Variants in SH3RF2 observed in about 807,000 individuals in gnomAD.
SH3RF2 encodes the protein SH3 domain containing ring finger 2, also known as E3 ubiquitin-protein ligase SH3RF2.
Under a neutral mutation model 59.0 loss-of-function variants are expected in SH3RF2, and 43 were observed. That is an observed-to-expected ratio of 0.73 (90% CI 0.57 to 0.94). The LOEUF (loss-of-function observed/expected upper bound fraction) is 0.94. Ranked by LOEUF, SH3RF2 falls within the 40% of genes least tolerant of loss-of-function variation. SH3RF2 has a pLI of 0.00. For synonymous variants in SH3RF2, 391 were observed against 391.5 expected (o/e 1.00, Z 0.01); for missense variants, 930 against 940.1 (o/e 0.99, Z 0.14).
chr5:146,006,641 G>A (rs941296805), intron 4 of SH3RF2, among the ~76,000 whole-genome samples: 1 of 152,158 alleles, frequency 6.6e-6, no homozygotes, highest in African/African-American at 2.4e-5. Context: ...GAGAGTGAAA[G>A]AGGAACAAAA....
chr5:146,029,854 GA>G (rs1206657555), intron 5 of SH3RF2, among the ~76,000 whole-genome samples: 1 of 151,980 alleles, frequency 6.6e-6, no homozygotes, highest in Admixed American at 6.6e-5. Context: ...TTTCATCAAA[GA>G]AAAAAACCAT....
chr5:146,064,299 G>T (rs1453745751), downstream of SH3RF2, among the ~76,000 whole-genome samples: 1 of 152,082 alleles, frequency 6.6e-6, no homozygotes, highest in South Asian at 2.1e-4. Context: ...GAAGGACAGA[G>T]CCTGCGATGA....
intron 2 of SH3RF2, among the ~76,000 whole-genome samples, chr5:145,996,984 GTTA>G (rs1384998017): frequency 6.6e-6 from 1 of 152,180 alleles, no homozygotes. Flanking sequence ...TCGGTAATTA[GTTA>G]TTAATGTTAT....
At position 146,059,928 on chromosome 5, in the gene SH3RF2, C is replaced by T. The variant is rs764326208; in HGVS notation, c.1618C>T (p.Arg540Cys). 1.5e-5 allele frequency: 22 copies of T among 1,512,888 alleles called. No homozygotes were observed. The highest frequency in any genetic ancestry group is 2.4e-5 in the East Asian group (1 of 42,524). The allele number at this position is 1,512,888 out of a possible 1,614,324, so 93.7% of individuals were successfully genotyped here. The change falls in exon 9 of 10, where the codon CGC becomes TGC. Residue 540 changes from arginine (R) to cysteine (C), a missense_variant. By Grantham distance (180) the Arg-to-Cys change is radical. Transcript: ENST00000359120. Reference protein sequence around the residue: ...IPTLVVGSLRRSPTMVLRPQQ... With the variant: ...IPTLVVGSLRCSPTMVLRPQQ... ...CACTCTCGTGGTAGGCTCCCTCAGA[C>T]GCAGCCCCACCATGGTCCTTCGGCC...
At chr5:146,053,999 C>T (rs574540388) in intron 7 of SH3RF2, among the ~76,000 whole-genome samples, 4 of 152,214 alleles carry the variant, frequency 2.6e-5, no homozygotes, top group East Asian at 1.9e-4. Flanking sequence ...GGGACCTGCA[C>T]GGTGGAGCAA....
chr5:145,964,217 C>T (rs1210975146), intron 2 of SH3RF2, among the ~76,000 whole-genome samples: 1 of 147,176 alleles, frequency 6.8e-6, no homozygotes, highest in African/African-American at 2.5e-5. Flanking sequence ...TCCTTCCTCC[C>T]TTCCTTCTTT....
intron 4 of SH3RF2, among the ~76,000 whole-genome samples, chr5:146,007,972 G>A (rs1206711065): frequency 2.0e-5 from 3 of 152,212 alleles, no homozygotes; most frequent in Non-Finnish European, 4.4e-5. Flanking sequence ...GAAAGCAATT[G>A]GAAGGAAGGG....
At chr5:146,022,046 T>A (rs891750746) in intron 5 of SH3RF2, among the ~76,000 whole-genome samples, 1 of 152,204 alleles carries the variant, frequency 6.6e-6, no homozygotes, top group African/African-American at 2.4e-5. Flanking sequence ...TCCTGTTATT[T>A]TTTGGACTTT....
At chr5:146,010,444 G>A (rs1438925775) in intron 4 of SH3RF2, among the ~76,000 whole-genome samples, 1 of 152,150 alleles carries the variant, frequency 6.6e-6, no homozygotes, top group Admixed American at 6.5e-5. Context: ...GATCCTTGAG[G>A]AATCGCCACA....
chr5:145,977,779 C>T (rs1759350653), intron 2 of SH3RF2, among the ~76,000 whole-genome samples: 1 of 152,234 alleles, frequency 6.6e-6, no homozygotes, highest in African/African-American at 2.4e-5. Context: ...TCTAATGCTA[C>T]ATACACATAT....
intron 2 of SH3RF2, among the ~76,000 whole-genome samples, chr5:145,985,008 T>G (rs1759647508): frequency 6.6e-6 from 1 of 151,940 alleles, no homozygotes; most frequent in African/African-American, 2.4e-5. Flanking sequence ...ATTAAAAAAT[T>G]AGCTGAGCAT....
intron 2 of SH3RF2, among the ~76,000 whole-genome samples, chr5:145,963,534 A>G (rs1758718025): frequency 6.6e-6 from 1 of 152,178 alleles, no homozygotes; most frequent in African/African-American, 2.4e-5. Context: ...GTGAGGGATG[A>G]AAAATTTTAT....
At chr5:146,043,787 G>T (rs35418608) in intron 5 of SH3RF2, 1 of 152,124 alleles carries the variant, frequency 6.6e-6, no homozygotes, top group Non-Finnish European at 1.5e-5. Flanking sequence ...GATTCATCCC[G>T]CTGTTGCATG....
intron 2 of SH3RF2, among the ~76,000 whole-genome samples, chr5:145,949,465 T>A (rs1217098950): frequency 6.6e-6 from 1 of 152,196 alleles, no homozygotes; most frequent in Non-Finnish European, 1.5e-5. Context: ...AAAGGCAAAG[T>A]GGCAGTAAAT....
intron 5 of SH3RF2, among the ~76,000 whole-genome samples, chr5:146,031,954 G>C (rs1761760009): frequency 6.6e-6 from 1 of 152,124 alleles, no homozygotes; most frequent in Non-Finnish European, 1.5e-5. Context: ...CATGCTCCAG[G>C]GGTAAGAGAC....
At chr5:145,998,789 T>C (rs1760272648) in intron 2 of SH3RF2, among the ~76,000 whole-genome samples, 2 of 152,080 alleles carry the variant, frequency 1.3e-5, no homozygotes. Flanking sequence ...TGTGCGCCTG[T>C]AATCCCAGCT....
chr5:146,031,433 ATGAT>A (rs2150004291), intron 5 of SH3RF2, among the ~76,000 whole-genome samples: 1 of 152,366 alleles, frequency 6.6e-6, no homozygotes, highest in African/African-American at 2.4e-5. Context: ...GACTGAACGA[ATGAT>A]TAAGTGATGG....
intron 2 of SH3RF2, among the ~76,000 whole-genome samples, chr5:145,983,247 C>CTTT (rs35986916): frequency 7.5e-6 from 1 of 133,958 alleles, no homozygotes; most frequent in Non-Finnish European, 1.6e-5. Flanking sequence ...AAACCAGAGC[C>CTTT]TTTTTTTTTT....
chr5:145,991,921 C>T (rs575539898), intron 2 of SH3RF2, among the ~76,000 whole-genome samples: 1 of 152,246 alleles, frequency 6.6e-6, no homozygotes, highest in South Asian at 2.1e-4. Flanking sequence ...ATAGCTTAGA[C>T]CTACAGTAGC....
Sources: gnomAD v4.1 joint callset for allele counts (sites outside exome capture counted in the v4.1 genomes callset) on GRCh38, gnomAD v4.1.1 for gene constraint, MANE v1.5 for transcripts, NCBI Gene and HGNC (gene_info 2026-07-23, HGNC 2026-07-21) for gene names.